PCTP: variants seen among roughly 807,000 people sequenced by gnomAD.
The protein encoded by PCTP is START domain-containing protein 2.
PCTP carries 27 observed loss-of-function variants against 31.0 expected under a neutral mutation model. The observed-to-expected ratio is 0.87, with a 90% CI of 0.64 to 1.20. The LOEUF (loss-of-function observed/expected upper bound fraction) is 1.20. Ranked by LOEUF, PCTP falls within the 50% of genes most tolerant of loss-of-function variation. PCTP has a pLI of 0.00. For missense variants in PCTP, 287 were observed against 268.2 expected (o/e 1.07, Z -0.49); for synonymous variants, 108 against 101.2 (o/e 1.07, Z -0.40).
At chr17:55,758,085 T>C (rs1164484902) in intron 1 of PCTP, among the ~76,000 whole-genome samples, 1 of 152,170 alleles carries the variant, frequency 6.6e-6, no homozygotes, top group Non-Finnish European at 1.5e-5. Flanking sequence ...ACCATGCCAT[T>C]AACCACTGCC....
intron 3 of PCTP, among the ~76,000 whole-genome samples, chr17:55,801,891 AT>A (rs1286369798): frequency 1.3e-5 from 2 of 152,196 alleles, no homozygotes; most frequent in African/African-American, 4.8e-5. Flanking sequence ...AGATAGAGAC[AT>A]GAAAAACCCT....
the PCTP span, among the ~76,000 whole-genome samples, chr17:55,852,407 T>C: frequency 6.6e-6 from 1 of 152,192 alleles, no homozygotes; most frequent in South Asian, 2.1e-4. Context: ...AGCTGAGTCA[T>C]ACAACTTCAC....
chr17:55,798,684 A>T (rs1473962245), intron 3 of PCTP, among the ~76,000 whole-genome samples: 4 of 151,972 alleles, frequency 2.6e-5, no homozygotes, highest in Admixed American at 6.6e-5. Flanking sequence ...GAAAATGCAA[A>T]CTGAGGGAAT....
intron 1 of PCTP, among the ~76,000 whole-genome samples, chr17:55,760,849 T>C (rs1910306478): frequency 6.6e-6 from 1 of 151,982 alleles, no homozygotes; most frequent in Non-Finnish European, 1.5e-5. Flanking sequence ...AAGGAAAGGG[T>C]TCCCATCCAG....
Position 55,837,206 on chromosome 17 carries a change from G to A in PCTP, n.506-5521G>A, listed in dbSNP as rs116853491. On this transcript the variant is annotated intron_variant and non_coding_transcript_variant, in intron 5 of 5. Transcript: ENST00000576221. ...ATGATGAGGGAGAGTCTTGTGAGCC[G>A]CATGAAGAACTTTAGACATAATGCT... is the stretch of plus-strand genomic sequence containing the variant. Among the ~76,000 whole-genome samples the A allele has an allele frequency of 5.0e-3, 764 of 152,250 alleles. 14 individuals are homozygous for A. The highest frequency in any genetic ancestry group is 0.039 in the East Asian group (200 of 5,172).
downstream of PCTP, among the ~76,000 whole-genome samples, chr17:55,845,085 CAAAA>C (rs891404386): frequency 1.1e-3 from 35 of 32,526 alleles, no homozygotes; most frequent in East Asian, 5.9e-3. Flanking sequence ...AAAACTCCAT[CAAAA>C]AAAAAAAAAA....
chr17:55,848,930 T>C, the PCTP span, among the ~76,000 whole-genome samples: 1 of 152,160 alleles, frequency 6.6e-6, no homozygotes, highest in African/African-American at 2.4e-5. Context: ...TCATGCTTAC[T>C]GGAATAAATA....
chr17:55,793,815 T>G (rs1180472648), intron 3 of PCTP, among the ~76,000 whole-genome samples: 1 of 152,096 alleles, frequency 6.6e-6, no homozygotes, highest in Non-Finnish European at 1.5e-5. Context: ...AAGGATCCTG[T>G]GGAGATAGCA....
intron 3 of PCTP, among the ~76,000 whole-genome samples, chr17:55,821,145 A>T (rs1236058145): frequency 6.6e-6 from 1 of 152,242 alleles, no homozygotes; most frequent in South Asian, 2.1e-4. Flanking sequence ...AAATAGTCCA[A>T]ATTTCCAATG....
chr17:55,840,810 AAT>A, intron 5 of PCTP, among the ~76,000 whole-genome samples: 1 of 152,330 alleles, frequency 6.6e-6, no homozygotes, highest in South Asian at 2.1e-4. Context: ...AATGCTCTAA[AAT>A]TTGAAACTGT....
At chr17:55,775,644 C>T (rs1349737709) in intron 5 of PCTP, 1 of 1,200,220 alleles carries the variant, frequency 8.3e-7, no homozygotes, top group East Asian at 3.5e-5. Flanking sequence ...AATAATATAT[C>T]CTGCTCCTTG....
downstream of PCTP, among the ~76,000 whole-genome samples, chr17:55,845,085 C>CAAAAAAAA (rs891404386): frequency 0.016 from 529 of 32,516 alleles, 73 homozygotes; most frequent in Non-Finnish European, 0.023. Flanking sequence ...AAAACTCCAT[C>CAAAAAAAA]AAAAAAAAAA....
At chr17:55,801,673 A>G (rs1912387377) in intron 3 of PCTP, among the ~76,000 whole-genome samples, 2 of 152,216 alleles carry the variant, frequency 1.3e-5, no homozygotes, top group Non-Finnish European at 2.9e-5. Context: ...CAATGAGAAC[A>G]AAGACACAAT....
At chr17:55,844,272 G>A (rs1202028686), downstream of PCTP, among the ~76,000 whole-genome samples, 1 of 152,194 alleles carries the variant, frequency 6.6e-6, no homozygotes, top group Non-Finnish European at 1.5e-5. Flanking sequence ...GGTGGAATCT[G>A]TGTAATTATA....
chr17:55,771,238 C>A (rs1567715577), intron 3 of PCTP, 53 bp downstream of exon 3: 1 of 1,380,842 alleles, frequency 7.2e-7, no homozygotes, highest in Non-Finnish European at 1.0e-6. Context: ...TTTCTGTGTT[C>A]CTCAGCTGCA....
the PCTP span, among the ~76,000 whole-genome samples, chr17:55,848,056 G>A: frequency 7.2e-4 from 110 of 152,186 alleles, no homozygotes; most frequent in Middle Eastern, 3.4e-3. Context: ...CTGAGTTGCT[G>A]GGACTACAGG....
chr17:55,848,738 G>A, the PCTP span, among the ~76,000 whole-genome samples: 7 of 152,134 alleles, frequency 4.6e-5, no homozygotes, highest in African/African-American at 1.7e-4. Flanking sequence ...ATAAAACACT[G>A]ATAATGAAAG....
At position 55,773,233 on chromosome 17, in the gene PCTP, T is replaced by C. The variant is rs567860034; in HGVS notation, c.340-491T>C. ...TGCATAAAGGTCAGTAATTAGAGCA[T>C]TGGGTGAGGCCAGAACAAAGAGGAA... On this transcript the variant is annotated intron_variant, in intron 3 of 5. Transcript: ENST00000268896. Among the ~76,000 whole-genome samples, 15 of 152,318 alleles carry C rather than the reference T, an allele frequency of 9.8e-5. No homozygotes were observed. In the East Asian group the frequency reaches 2.3e-3, roughly 24 times the overall value.
At chr17:55,845,959 A>G (rs1906141904), downstream of PCTP, among the ~76,000 whole-genome samples, 1 of 149,632 alleles carries the variant, frequency 6.7e-6, no homozygotes, top group African/African-American at 2.5e-5. Flanking sequence ...TTACTGAGAA[A>G]GTGCTCTTGA....
Sources: gnomAD v4.1 joint callset for allele counts (sites outside exome capture counted in the v4.1 genomes callset) on GRCh38, gnomAD v4.1.1 for gene constraint, MANE v1.5 for transcripts, NCBI Gene and HGNC (gene_info 2026-07-23, HGNC 2026-07-21) for gene names.